MBOAT2: variants seen among roughly 807,000 people sequenced by gnomAD.
MBOAT2 encodes the protein membrane-bound glycerophospholipid O-acyltransferase 2.
Under a neutral mutation model 63.4 loss-of-function variants are expected in MBOAT2, and 28 were observed. The ratio of observed to expected loss-of-function variants is 0.44; its 90% CI spans 0.33 to 0.61. The LOEUF (loss-of-function observed/expected upper bound fraction) is 0.61, where lower values mean the gene tolerates loss of function less well. Ranked by LOEUF, MBOAT2 falls within the 20% of genes least tolerant of loss-of-function variation. MBOAT2 has a pLI of 0.03. For missense variants in MBOAT2, 470 were observed against 605.8 expected, an observed-to-expected ratio of 0.78 and a Z score of 2.35; for synonymous variants, 211 against 215.6, an observed-to-expected ratio of 0.98 and a Z score of 0.19.
At chr2:8,868,831 C>T (rs993226785) in intron 8 of MBOAT2, among the ~76,000 whole-genome samples, 3 of 152,136 alleles carry the variant, frequency 2.0e-5, no homozygotes, top group African/African-American at 7.2e-5. Flanking sequence ...ACAGGAAACG[C>T]TCCCCAACAT....
intron 1 of MBOAT2, among the ~76,000 whole-genome samples, chr2:8,971,239 C>G (rs1193831080): frequency 6.6e-6 from 1 of 152,226 alleles, no homozygotes; most frequent in African/African-American, 2.4e-5. Context: ...CATAATCCAG[C>G]ACATAAACAG....
At chr2:8,906,054 C>A (rs1428814111) in intron 4 of MBOAT2, among the ~76,000 whole-genome samples, 2 of 152,142 alleles carry the variant, frequency 1.3e-5, no homozygotes, top group Non-Finnish European at 2.9e-5. Context: ...GCCCCCAGGG[C>A]TCAAGCAACT....
rs963476960 is a variant in MBOAT2 at position 8,857,462 on chromosome 2, C to T, written c.*1217G>A. The T allele has an allele frequency of 6.6e-6, 1 of 152,214 alleles. No individual in the cohort carries two copies. Among genetic ancestry groups the T allele is most frequent in the African/African-American group, 2.4e-5 (1 of 41,432 alleles). The allele number at this position is 152,214 out of a possible 1,614,324, so 9.4% of individuals were successfully genotyped here. A position where few individuals can be genotyped will look rare whatever the true frequency, so the allele number is the denominator to read the frequency against. ...AAATAAAAGCACATTTTTCCACTTA[C>T]AGAACCTAAAACTCATTTTAGTAAG... On this transcript the variant is annotated 3_prime_UTR_variant, in exon 13 of 13. Coordinates refer to ENST00000305997, the MANE Select transcript of MBOAT2 (RefSeq NM_138799.4).
intron 3 of MBOAT2, among the ~76,000 whole-genome samples, chr2:8,911,760 C>G (rs773296733): frequency 1.3e-5 from 2 of 152,144 alleles, no homozygotes; most frequent in African/African-American, 4.8e-5. Context: ...GTAGAAGCAG[C>G]CTAAGGCCTT....
intron 6 of MBOAT2, 58 bp downstream of exon 6, chr2:8,882,453 C>T (rs947292136): frequency 1.3e-4 from 204 of 1,551,480 alleles, no homozygotes; most frequent in Non-Finnish European, 1.7e-4. Context: ...ACAGAAGGAA[C>T]GTGGGTCCTA....
In MBOAT2 at chr2:9,003,640, C is replaced by CCGCGCCGCTCGCCCGCT; in HGVS notation, c.-43_-27dup. The CCGCGCCGCTCGCCCGCT allele has an allele frequency of 8.7e-7, 1 of 1,147,710 alleles. No individual in the cohort carries two copies. The highest frequency in any genetic ancestry group is 1.1e-6 in the Non-Finnish European group (1 of 935,762). 71.1% of individuals were successfully genotyped at this position (1,147,710 alleles called of 1,614,324 possible). ...GGCCGGGCCTCGGCGCTCCGGCCGC[C>CCGCGCCGCTCGCCCGCT]CGCGCCGCTCGCCCGCTCGCGCTGT... is the stretch of plus-strand genomic sequence containing the variant. On this transcript the variant is annotated 5_prime_UTR_variant, in exon 1 of 13. Transcript: ENST00000305997. The surrounding 1 kb of genome is among the most constrained non-coding windows in gnomAD (Gnocchi z 5.4).
At chr2:8,868,316 T>C in intron 9 of MBOAT2, 130 bp downstream of exon 9, 1 of 731,318 alleles carries the variant, frequency 1.4e-6, no homozygotes, top group East Asian at 2.7e-5. Context: ...TATGTATTGG[T>C]TAAATGAAAG....
intron 1 of MBOAT2, among the ~76,000 whole-genome samples, chr2:8,985,217 G>C (rs756185969): frequency 3.3e-5 from 5 of 152,168 alleles, no homozygotes; most frequent in Non-Finnish European, 5.9e-5. Flanking sequence ...TCACACTGAT[G>C]CTGATTGAAA....
At chr2:8,997,906 T>C (rs1255595234) in intron 1 of MBOAT2, among the ~76,000 whole-genome samples, 3 of 152,220 alleles carry the variant, frequency 2.0e-5, no homozygotes, top group Admixed American at 1.3e-4. Context: ...TTAGCTGCAA[T>C]TGTCAGGGCT....
chr2:8,912,365 GAAAGAAAGAGAAAGAAAGAA>G (rs1665822681), intron 3 of MBOAT2, among the ~76,000 whole-genome samples: 228 of 93,868 alleles, frequency 2.4e-3, no homozygotes, highest in Non-Finnish European at 3.6e-3. Context: ...AAGAAAGAAA[GAAAGAAAGAGAAAGAAAGAA>G]AGAAAGAAAG....
chr2:8,884,195 CAAAAA>C (rs1169179642), intron 5 of MBOAT2, among the ~76,000 whole-genome samples: 27 of 22,088 alleles, frequency 1.2e-3, no homozygotes, highest in Non-Finnish European at 1.5e-3. Flanking sequence ...AAGACTCAGC[CAAAAA>C]AAAAAAAAAA....
chr2:8,972,896 C>T (rs1178775044), intron 1 of MBOAT2, among the ~76,000 whole-genome samples: 2 of 152,082 alleles, frequency 1.3e-5, no homozygotes, highest in Non-Finnish European at 2.9e-5. Flanking sequence ...TGTGGAGAAA[C>T]AGGAACACTT....
chr2:8,986,838 G>T lies in MBOAT2; in HGVS notation c.75+16702C>A, dbSNP rs993100960. 6.6e-4 allele frequency among the ~76,000 whole-genome samples: 100 copies of T among 152,224 alleles called. 1 individual carries two copies. The highest frequency in any genetic ancestry group is 2.3e-3 in the African/African-American group (95 of 41,528). On this transcript the variant is annotated intron_variant, in intron 1 of 12. Transcript: ENST00000305997. ...CAAGAACGCATCTAGAAAAGACCAC[G>T]CGAGCACACCCCCAAGTGGTGGCTG...
At chr2:8,876,776 G>T (rs191806099) in intron 7 of MBOAT2, among the ~76,000 whole-genome samples, 130 of 152,236 alleles carry the variant, frequency 8.5e-4, no homozygotes, top group African/African-American at 3.1e-3. Flanking sequence ...CATGCTAAGA[G>T]CTTTCTTGTA....
intron 6 of MBOAT2, among the ~76,000 whole-genome samples, chr2:8,878,452 T>C (rs913788702): frequency 2.0e-5 from 3 of 152,222 alleles, no homozygotes; most frequent in African/African-American, 7.2e-5. Context: ...CTGAATATGA[T>C]AAGCTCTCTC....
At chr2:8,956,244 C>T (rs1054266174) in intron 2 of MBOAT2, among the ~76,000 whole-genome samples, 3 of 152,098 alleles carry the variant, frequency 2.0e-5, no homozygotes, top group African/African-American at 7.2e-5. Context: ...AAAGAAAGTA[C>T]TGAAATGCAA....
At chr2:8,950,018 T>C (rs1280566773) in intron 2 of MBOAT2, among the ~76,000 whole-genome samples, 4 of 152,216 alleles carry the variant, frequency 2.6e-5, no homozygotes, top group Non-Finnish European at 5.9e-5. Flanking sequence ...AAGCTCTCCT[T>C]GTAAAGATCT....
At chr2:8,958,333 C>T (rs1162140645) in intron 2 of MBOAT2, among the ~76,000 whole-genome samples, 164 bp downstream of exon 2, 1 of 152,100 alleles carries the variant, frequency 6.6e-6, no homozygotes, top group Non-Finnish European at 1.5e-5. Context: ...ATTTCCCATT[C>T]GTTATTTTTT....
intron 4 of MBOAT2, among the ~76,000 whole-genome samples, chr2:8,899,467 A>G (rs891036822): frequency 1.3e-5 from 2 of 152,198 alleles, no homozygotes; most frequent in South Asian, 4.1e-4. Flanking sequence ...GAGGAAGTCA[A>G]TGTCCTGGCC....
Sources: allele counts gnomAD v4.1 joint callset (sites outside exome capture counted in the v4.1 genomes callset), GRCh38; gene constraint gnomAD v4.1.1; non-coding constraint Gnocchi (gnomAD v3.1); transcripts MANE v1.5; gene names NCBI Gene and HGNC (gene_info 2026-07-23, HGNC 2026-07-21).